The following MMP26 variants were observed in gnomAD, a reference collection of about 807,000 sequenced individuals.
The protein encoded by MMP26 is matrix metallopeptidase 26, also known as matrix metalloproteinase-26.
In MMP26, 33 loss-of-function variants were observed where a neutral mutation model predicts 31.0. That is an observed-to-expected ratio of 1.06 (90% CI 0.81 to 1.42). The LOEUF is 1.42. Ranked by LOEUF, MMP26 falls within the 40% of genes most tolerant of loss-of-function variation. The pLI, the probability that MMP26 is intolerant of heterozygous loss-of-function variation, is 0.00. For synonymous variants in MMP26, 122 were observed against 114.9 expected, an observed-to-expected ratio of 1.06 and a Z score of -0.40; for missense variants, 347 against 316.1, an observed-to-expected ratio of 1.10 and a Z score of -0.74.
Position 4,947,580 on chromosome 11 carries a change from A to C in MMP26, c.-144-40488A>C, listed in dbSNP as rs543170556. On this transcript the variant is annotated intron_variant, in intron 2 of 7. Transcript: ENST00000380390. ...ATATGTTTGTAAGCACTTTTGATAAAAGCTAAATAATTCTGATATACAAAC... is the reference window on the plus strand; with the variant it reads ...ATATGTTTGTAAGCACTTTTGATAACAGCTAAATAATTCTGATATACAAAC... 4.1e-4 allele frequency: 53 copies of C among 128,616 alleles called. 10 individuals carry two copies. The highest frequency in any genetic ancestry group is 1.4e-3 in the African/African-American group (52 of 36,948). The allele number at this position is 128,616 out of a possible 1,614,324, so 8.0% of individuals were successfully genotyped here.
chr11:4,757,029 G>T (rs1354098310), intron 1 of MMP26, among the ~76,000 whole-genome samples: 1 of 151,808 alleles, frequency 6.6e-6, no homozygotes, highest in African/African-American at 2.4e-5. Context: ...TAATTTATAC[G>T]GAAATGCAAA....
chr11:4,792,110 G>A (rs1182096178), intron 2 of MMP26, among the ~76,000 whole-genome samples: 15 of 151,176 alleles, frequency 9.9e-5, no homozygotes, highest in African/African-American at 3.7e-4. Flanking sequence ...TTATAGAAGT[G>A]ACAAGAGGGT....
intron 2 of MMP26, among the ~76,000 whole-genome samples, chr11:4,971,297 C>T (rs1392279090): frequency 6.6e-6 from 1 of 152,104 alleles, no homozygotes; most frequent in Non-Finnish European, 1.5e-5. Context: ...ACACACAAAA[C>T]CTTAAGAATC....
At chr11:4,750,867 G>C (rs80018985) in intron 1 of MMP26, among the ~76,000 whole-genome samples, 5,829 of 152,000 alleles carry the variant, frequency 0.038, 379 homozygotes, top group African/African-American at 0.13. Flanking sequence ...CCAGACTTCA[G>C]CACTATGCAA....
In MMP26 at chr11:4,873,497, A is replaced by AT. The variant is rs1222708628; in HGVS notation, c.-145+106158dup. 3.3e-5 allele frequency among the ~76,000 whole-genome samples: 5 copies of AT among 152,230 alleles called. No individual in the cohort carries two copies. The East Asian group carries it at 9.7e-4, about 29-fold the overall frequency. On this transcript the variant is annotated intron_variant, in intron 2 of 7. Transcript: ENST00000380390. ...CAGCCACTACTGGCAGGCCATTGGT[A>AT]TTAAATGTTGCAATAAACTGCCTGA... is the stretch of plus-strand genomic sequence containing the variant.
chr11:4,823,869 G>A (rs890207508), intron 2 of MMP26, among the ~76,000 whole-genome samples: 1 of 152,058 alleles, frequency 6.6e-6, no homozygotes, highest in African/African-American at 2.4e-5. Flanking sequence ...TGAGATAAAC[G>A]TTGTTCATAA....
chr11:4,790,265 T>C (rs1008988613), intron 2 of MMP26, among the ~76,000 whole-genome samples: 5 of 150,148 alleles, frequency 3.3e-5, no homozygotes, highest in Non-Finnish European at 6.0e-5. Flanking sequence ...CTCTTAAACC[T>C]GGGAGGTGCG....
At chr11:4,801,325 T>C (rs1288794551) in intron 2 of MMP26, among the ~76,000 whole-genome samples, 2 of 152,084 alleles carry the variant, frequency 1.3e-5, no homozygotes, top group Non-Finnish European at 2.9e-5. Context: ...GCTGGGTTAT[T>C]TATAAAGAAA....
chr11:4,787,590 C>T (rs1397416010), intron 2 of MMP26: 5 of 152,262 alleles, frequency 3.3e-5, no homozygotes, highest in East Asian at 1.9e-4. Context: ...CCACTATTGT[C>T]CAACATCTAT....
intron 2 of MMP26, among the ~76,000 whole-genome samples, chr11:4,831,902 T>C (rs1207957247): frequency 6.6e-6 from 1 of 152,164 alleles, no homozygotes; most frequent in Non-Finnish European, 1.5e-5. Flanking sequence ...GATAGAAAAA[T>C]AACACACAGG....
At chr11:4,754,873 G>T (rs1157454836) in intron 1 of MMP26, among the ~76,000 whole-genome samples, 1 of 151,874 alleles carries the variant, frequency 6.6e-6, no homozygotes, top group Non-Finnish European at 1.5e-5. Context: ...ATATCTCAAA[G>T]CAAGCTCAAA....
chr11:4,845,851 A>G (rs1298430097), intron 2 of MMP26, among the ~76,000 whole-genome samples: 1 of 152,232 alleles, frequency 6.6e-6, no homozygotes, highest in Non-Finnish European at 1.5e-5. Context: ...AGTTCTCCAC[A>G]TCCTTGATCA....
intron 2 of MMP26, among the ~76,000 whole-genome samples, chr11:4,854,939 C>T (rs941388513): frequency 6.6e-6 from 1 of 152,176 alleles, no homozygotes; most frequent in Non-Finnish European, 1.5e-5. Flanking sequence ...GCTGGTGATA[C>T]CCAAGCAAAC....
chr11:4,755,465 T>C (rs1042288694), intron 1 of MMP26, among the ~76,000 whole-genome samples: 1 of 152,014 alleles, frequency 6.6e-6, no homozygotes, highest in African/African-American at 2.4e-5. Flanking sequence ...TTTTATAGGA[T>C]GCTTAACTAT....
At position 4,967,300 on chromosome 11, in the gene MMP26, AG is replaced by A. The variant is rs1270577436; in HGVS notation, c.-144-20767del. 2.6e-5 allele frequency among the ~76,000 whole-genome samples: 4 copies of A among 152,340 alleles called. No individual in the cohort carries two copies. The South Asian group carries it at 6.2e-4, about 24-fold the overall frequency. Reference sequence around the variant, plus strand: ...TCTTTACAATTCTTAATCACAAAAAAGTCTGGTCTCATTAGATTTGGCTTAA... The same window carrying A: ...TCTTTACAATTCTTAATCACAAAAAATCTGGTCTCATTAGATTTGGCTTAA... On this transcript the variant is annotated intron_variant, in intron 2 of 7. Coordinates refer to ENST00000380390, the MANE Select transcript of MMP26 (RefSeq NM_021801.5).
chr11:4,798,681 T>C (rs1849141461), intron 2 of MMP26, among the ~76,000 whole-genome samples: 1 of 152,108 alleles, frequency 6.6e-6, no homozygotes, highest in Non-Finnish European at 1.5e-5. Context: ...GAAGTGGGTA[T>C]GATGAGAACA....
At position 4,988,051 on chromosome 11, in the gene MMP26, C is replaced by T. The variant is rs1846931737; in HGVS notation, c.-144-17C>T. The stretch of plus-strand genomic sequence containing the variant: ...GCTTTTGTCACCCTTGCATGCTGGT[C>T]ACTCTGCCCTCAGCAGGTATGGATG... On this transcript the variant is annotated splice_polypyrimidine_tract_variant and intron_variant, in intron 2 of 7. Coordinates refer to ENST00000380390, the MANE Select transcript of MMP26 (RefSeq NM_021801.5). The T allele has an allele frequency of 8.9e-6, 6 of 677,280 alleles. No individual in the cohort carries two copies. The highest frequency in any genetic ancestry group is 2.7e-5 in the East Asian group (1 of 37,586). 42.0% of individuals were successfully genotyped at this position (677,280 alleles called of 1,614,324 possible). A position where few individuals can be genotyped will look rare whatever the true frequency, so the allele number is the denominator to read the frequency against.
intron 2 of MMP26, chr11:4,912,959 A>AT (rs74628742): frequency 4.0e-5 from 6 of 151,898 alleles, no homozygotes; most frequent in African/African-American, 1.5e-4. Flanking sequence ...GAAAAAAAAA[A>AT]CAAGCTGTAA....
chr11:4,732,281 A>G (rs532287225), intron 1 of MMP26, among the ~76,000 whole-genome samples: 1 of 152,242 alleles, frequency 6.6e-6, no homozygotes, highest in East Asian at 1.9e-4. Flanking sequence ...ATCACTGATT[A>G]TAAGCTTACT....
Sources: gnomAD v4.1 joint callset for allele counts (sites outside exome capture counted in the v4.1 genomes callset) on GRCh38, gnomAD v4.1.1 for gene constraint, MANE v1.5 for transcripts, NCBI Gene and HGNC (gene_info 2026-07-23, HGNC 2026-07-21) for gene names.